Variants in ST6GALNAC3 observed in about 807,000 individuals in gnomAD.
ST6GALNAC3 encodes ST6 N-acetylgalactosaminide alpha-2,6-sialyltransferase 3.
In ST6GALNAC3, 25 loss-of-function variants were observed where a neutral mutation model predicts 32.7. The observed-to-expected ratio is 0.76, with a 90% CI of 0.56 to 1.07. The LOEUF (loss-of-function observed/expected upper bound fraction) is 1.07. Among genes scored for constraint, ST6GALNAC3 ranks in the 50% least tolerant of loss-of-function variants. The pLI is 0.00. For missense variants in ST6GALNAC3, 355 were observed against 382.4 expected (o/e 0.93, Z 0.60); for synonymous variants, 129 against 133.1 (o/e 0.97, Z 0.21).
At position 76,554,026 on chromosome 1, in the gene ST6GALNAC3, G is replaced by A. The variant is rs138223644; in HGVS notation, c.624-73426G>A. Among the ~76,000 whole-genome samples, 287 of 152,186 alleles carry A rather than the reference G, an allele frequency of 1.9e-3. 2 individuals are homozygous for A. The highest frequency in any genetic ancestry group is 6.8e-3 in the Middle Eastern group (2 of 294). The stretch of plus-strand genomic sequence containing the variant: ...TCAGAAATTGATTAAAACATTTAAT[G>A]GTTCTTCTTTCAAGTATTTGTGAAC... On this transcript the variant is annotated intron_variant, in intron 3 of 4. Transcript: ENST00000328299.
intron 2 of ST6GALNAC3, among the ~76,000 whole-genome samples, chr1:76,380,468 C>T (rs1161719968): frequency 6.6e-6 from 1 of 151,920 alleles, no homozygotes; most frequent in East Asian, 1.9e-4. Context: ...AGGTGTATAC[C>T]CAGGCACAAT....
intron 1 of ST6GALNAC3, among the ~76,000 whole-genome samples, chr1:76,123,449 A>C (rs1271528938): frequency 6.6e-6 from 1 of 151,904 alleles, no homozygotes; most frequent in Admixed American, 6.6e-5. Flanking sequence ...ACTGTGCACA[A>C]TGAGATTGTG....
intron 1 of ST6GALNAC3, among the ~76,000 whole-genome samples, chr1:76,189,219 G>T (rs773624876): frequency 6.6e-6 from 1 of 152,204 alleles, no homozygotes; most frequent in Non-Finnish European, 1.5e-5. Context: ...TATCTGCTGG[G>T]AGAAAATGCT....
At chr1:76,287,300 C>A (rs1279633163) in intron 1 of ST6GALNAC3, among the ~76,000 whole-genome samples, 1 of 151,510 alleles carries the variant, frequency 6.6e-6, no homozygotes, top group Admixed American at 6.6e-5. Context: ...ATCATTATGG[C>A]GATAATTTGT....
At position 76,629,020 on chromosome 1, in the gene ST6GALNAC3, G is replaced by T; in HGVS notation, c.*214G>T. On this transcript the variant is annotated 3_prime_UTR_variant, in exon 5 of 5. Coordinates refer to ENST00000328299, the MANE Select transcript of ST6GALNAC3 (RefSeq NM_152996.4). ...TGTGCTCATGATGTTCTTTCTGGAG[G>T]TTCAACACTACGTACCGCACTTTAT... 1 of 1,366,136 alleles carries T rather than the reference G, an allele frequency of 7.3e-7. No homozygotes were observed. The highest frequency in any genetic ancestry group is 9.4e-7 in the Non-Finnish European group (1 of 1,064,288). The allele number at this position is 1,366,136 out of a possible 1,614,324, so 84.6% of individuals were successfully genotyped here. A position where few individuals can be genotyped will look rare whatever the true frequency, so the allele number is the denominator to read the frequency against.
At chr1:76,112,342 C>G (rs1244486992) in intron 1 of ST6GALNAC3, among the ~76,000 whole-genome samples, 3 of 143,142 alleles carry the variant, frequency 2.1e-5, no homozygotes, top group African/African-American at 7.8e-5. Flanking sequence ...CCCTCACCTC[C>G]CGGACGGGGC....
intron 1 of ST6GALNAC3, among the ~76,000 whole-genome samples, chr1:76,178,425 G>T (rs550222931): frequency 2.3e-4 from 35 of 152,158 alleles, no homozygotes; most frequent in Non-Finnish European, 4.6e-4. Context: ...CAGAGAGAAA[G>T]GAAACATGAC....
intron 3 of ST6GALNAC3, among the ~76,000 whole-genome samples, chr1:76,540,357 G>A: frequency 6.6e-6 from 1 of 152,080 alleles, no homozygotes; most frequent in East Asian, 1.9e-4. Context: ...GGCCTGTTGG[G>A]GAGTGGGGGG....
At chr1:76,343,489 G>T (rs527294883) in intron 2 of ST6GALNAC3, among the ~76,000 whole-genome samples, 62 of 152,330 alleles carry the variant, frequency 4.1e-4, no homozygotes, top group South Asian at 1.2e-3. Context: ...TTCTGTGGGA[G>T]CTGAGTCTGT....
chr1:76,213,886 G>A (rs1655313609), intron 1 of ST6GALNAC3, among the ~76,000 whole-genome samples: 1 of 152,194 alleles, frequency 6.6e-6, no homozygotes, highest in African/African-American at 2.4e-5. Flanking sequence ...CAGAGATAAA[G>A]TGTATGAATT....
At chr1:76,484,844 T>C (rs1199772450) in intron 3 of ST6GALNAC3, among the ~76,000 whole-genome samples, 1 of 152,204 alleles carries the variant, frequency 6.6e-6, no homozygotes, top group South Asian at 2.1e-4. Flanking sequence ...TTCAGTATGA[T>C]ATTGGCTGTG....
chr1:76,089,506 G>C (rs189753396), intron 1 of ST6GALNAC3, among the ~76,000 whole-genome samples: 4 of 152,324 alleles, frequency 2.6e-5, no homozygotes, highest in Admixed American at 2.6e-4. Flanking sequence ...AAAGATATAA[G>C]TGTGCTTGTT....
intron 1 of ST6GALNAC3, among the ~76,000 whole-genome samples, chr1:76,075,972 C>G (rs1646810675): frequency 6.6e-6 from 1 of 152,128 alleles, no homozygotes; most frequent in Non-Finnish European, 1.5e-5. Flanking sequence ...TTCTAACGTG[C>G]CTGGTGTCAA....
At chr1:76,462,758 A>G (rs966320993) in intron 3 of ST6GALNAC3, among the ~76,000 whole-genome samples, 1 of 152,344 alleles carries the variant, frequency 6.6e-6, no homozygotes, top group Non-Finnish European at 1.5e-5. Context: ...ACATGTAAGT[A>G]TCACTAGCAC....
chr1:76,462,806 G>A (rs968831981), intron 3 of ST6GALNAC3, among the ~76,000 whole-genome samples: 1 of 152,130 alleles, frequency 6.6e-6, no homozygotes, highest in African/African-American at 2.4e-5. Context: ...TTTTAAGAAG[G>A]CCAAATGCTG....
chr1:76,148,256 A>C (rs886805290), intron 1 of ST6GALNAC3, among the ~76,000 whole-genome samples: 1 of 152,198 alleles, frequency 6.6e-6, no homozygotes, highest in Admixed American at 6.5e-5. Context: ...TTATTTCCCC[A>C]AAGTTTCTTT....
In ST6GALNAC3 at chr1:76,302,620, CTT is replaced by C. The variant is rs1660792352; in HGVS notation, c.19-11182_19-11181del. On this transcript the variant is annotated intron_variant, in intron 1 of 4. Transcript: ENST00000328299. ...AAGCTAACATTTACTTAGCACTTTC[CTT>C]TTACCAGGCAGTGCTCTAAGGGCTT... is the stretch of plus-strand genomic sequence containing the variant. 3.3e-5 allele frequency among the ~76,000 whole-genome samples: 5 copies of C among 152,116 alleles called. No individual in the cohort carries two copies. The South Asian group carries it at 1.0e-3, about 32-fold the overall frequency.
chr1:76,419,046 C>CGT (rs1491458145), intron 3 of ST6GALNAC3, among the ~76,000 whole-genome samples: 3 of 93,864 alleles, frequency 3.2e-5, no homozygotes, highest in South Asian at 6.7e-4. Flanking sequence ...CCCTCATGTG[C>CGT]ACACACACAC....
intron 2 of ST6GALNAC3, among the ~76,000 whole-genome samples, chr1:76,342,936 T>C (rs1648176373): frequency 6.6e-6 from 1 of 151,994 alleles, no homozygotes; most frequent in South Asian, 2.1e-4. Context: ...GGTTTTTTTC[T>C]TGTTGACTTA....
Sources: gnomAD v4.1 joint callset for allele counts (sites outside exome capture counted in the v4.1 genomes callset) on GRCh38, gnomAD v4.1.1 for gene constraint, MANE v1.5 for transcripts, NCBI Gene and HGNC (gene_info 2026-07-23, HGNC 2026-07-21) for gene names.